BABAM2: variants seen among roughly 807,000 people sequenced by gnomAD.
BABAM2 encodes the protein BRISC and BRCA1 A complex member 2, also known as BRISC and BRCA1-A complex member 2.
In BABAM2, 31 loss-of-function variants were observed where a neutral mutation model predicts 54.7. The ratio of observed to expected loss-of-function variants is 0.57; its 90% CI spans 0.43 to 0.77. The LOEUF (loss-of-function observed/expected upper bound fraction) is 0.77, where lower values mean the gene tolerates loss of function less well. BABAM2 is among the 30% of genes least tolerant of loss of function. The probability of loss-of-function intolerance (pLI) is 0.00; values close to 1 mark genes in which losing one functional copy is unlikely to be tolerated. For missense variants in BABAM2, 364 were observed against 455.8 expected (o/e 0.80, Z 1.83); for synonymous variants, 167 against 162.9 (o/e 1.03, Z -0.19).
At chr2:28,095,565 C>T (rs985434244) in intron 6 of BABAM2, among the ~76,000 whole-genome samples, 10 of 151,990 alleles carry the variant, frequency 6.6e-5, no homozygotes, top group South Asian at 4.2e-4. Flanking sequence ...TTACACTCAA[C>T]GTAAAAAAAC....
chr2:28,300,681 T>C (rs1356825434), intron 11 of BABAM2, among the ~76,000 whole-genome samples: 2 of 152,146 alleles, frequency 1.3e-5, no homozygotes, highest in Non-Finnish European at 2.9e-5. Flanking sequence ...TTTTAGCAAG[T>C]ATGAATTGAG....
At chr2:28,271,052 AG>A (rs1431888114) in intron 10 of BABAM2, among the ~76,000 whole-genome samples, 8 of 152,190 alleles carry the variant, frequency 5.3e-5, no homozygotes, top group Non-Finnish European at 8.8e-5. Context: ...GAGAAACAAA[AG>A]GCTATAGCGT....
chr2:28,129,851 CAT>C (rs1377867903), intron 7 of BABAM2, among the ~76,000 whole-genome samples: 2 of 152,160 alleles, frequency 1.3e-5, no homozygotes, highest in East Asian at 1.9e-4. Context: ...AAAAAGATAA[CAT>C]GTTTTATTTT....
At chr2:27,997,564 T>C (rs1229605787) in intron 4 of BABAM2, among the ~76,000 whole-genome samples, 2 of 152,148 alleles carry the variant, frequency 1.3e-5, no homozygotes, top group African/African-American at 4.8e-5. Flanking sequence ...TTAAGAAGAG[T>C]ATTAATATAT....
chr2:28,282,814 A>G (rs942156984), intron 10 of BABAM2, among the ~76,000 whole-genome samples: 5 of 151,996 alleles, frequency 3.3e-5, no homozygotes, highest in Admixed American at 6.6e-5. Context: ...CCTCGCCAAC[A>G]TGGTGAAACC....
chr2:28,282,353 A>G (rs191435217), intron 10 of BABAM2, among the ~76,000 whole-genome samples: 2 of 152,296 alleles, frequency 1.3e-5, no homozygotes, highest in East Asian at 1.9e-4. Flanking sequence ...GTGTTTATCA[A>G]TCTCTCAGAC....
chr2:28,045,742 T>TC lies in BABAM2; in HGVS notation c.514dup (p.Arg172ProfsTer23). The TC allele has an allele frequency of 6.2e-7, 1 of 1,611,430 alleles. No homozygotes were observed. The highest frequency in any genetic ancestry group is 8.5e-7 in the Non-Finnish European group (1 of 1,178,232). On this transcript the variant is annotated frameshift_variant, in exon 6 of 12. Transcript: ENST00000379624. LOFTEE classifies it high-confidence loss of function. Reference sequence around the variant, plus strand: ...TTTTACAGACTGGTGAATTTTCAGCTCGTTTCCTTTTGAAGCTGCCCGTAG... The same window carrying TC: ...TTTTACAGACTGGTGAATTTTCAGCTCCGTTTCCTTTTGAAGCTGCCCGTAG...
chr2:27,903,153 T>C (rs895445147), intron 2 of BABAM2, among the ~76,000 whole-genome samples: 1 of 151,710 alleles, frequency 6.6e-6, no homozygotes, highest in Non-Finnish European at 1.5e-5. Context: ...AGGCCATCCT[T>C]GCCCATGGAT....
chr2:28,327,491 T>A (rs1465367110), intron 11 of BABAM2: 2 of 1,510,202 alleles, frequency 1.3e-6, no homozygotes, highest in Non-Finnish European at 1.8e-6. Context: ...GAACCAGAAT[T>A]CATCCCAATA....
chr2:28,041,267 A>G (rs1480665781), intron 5 of BABAM2, among the ~76,000 whole-genome samples: 2 of 152,206 alleles, frequency 1.3e-5, no homozygotes, highest in Non-Finnish European at 2.9e-5. Flanking sequence ...TTTACAGGTT[A>G]CAGGTTGACA....
At chr2:28,156,891 G>A (rs1316554978) in intron 7 of BABAM2, among the ~76,000 whole-genome samples, 1 of 152,140 alleles carries the variant, frequency 6.6e-6, no homozygotes, top group Admixed American at 6.5e-5. Context: ...ATTTTTAAAT[G>A]GAACTTAATG....
intron 6 of BABAM2, among the ~76,000 whole-genome samples, chr2:28,123,801 C>A (rs1451547646): frequency 6.6e-6 from 1 of 152,152 alleles, no homozygotes; most frequent in African/African-American, 2.4e-5. Flanking sequence ...ATAAAACGAA[C>A]TCCTGGAAAA....
At chr2:28,200,571 G>A (rs74385800) in intron 7 of BABAM2, among the ~76,000 whole-genome samples, 1,943 of 152,212 alleles carry the variant, frequency 0.013, 31 homozygotes, top group African/African-American at 0.045. Flanking sequence ...GCAATTAATC[G>A]GCTTTGTCAT....
intron 1 of BABAM2, among the ~76,000 whole-genome samples, chr2:27,893,696 A>C (rs529847353): frequency 6.6e-6 from 1 of 152,280 alleles, no homozygotes. Context: ...AGGTATTAAG[A>C]AAGGTGTATC....
intron 6 of BABAM2, among the ~76,000 whole-genome samples, chr2:28,108,667 T>C (rs1449901155): frequency 6.6e-6 from 1 of 152,240 alleles, no homozygotes; most frequent in Admixed American, 6.5e-5. Flanking sequence ...TAATATAATA[T>C]GTTCTTCCTT....
At position 27,931,662 on chromosome 2, in the gene BABAM2, T is replaced by C. The variant is rs141489226; in HGVS notation, c.205+1754T>C. On this transcript the variant is annotated intron_variant, in intron 3 of 11. Transcript: ENST00000379624. ...GACATTGTATTACACAGTTAATGAATAACCCCTAAGAATTCTTAGTAAGTA... is the reference window on the plus strand; with the variant it reads ...GACATTGTATTACACAGTTAATGAACAACCCCTAAGAATTCTTAGTAAGTA... 5.5e-3 allele frequency among the ~76,000 whole-genome samples: 831 copies of C among 152,292 alleles called. 1 individual carries two copies. Among genetic ancestry groups the C allele is most frequent in the South Asian group, 0.01 (50 of 4,830 alleles).
At chr2:28,057,379 A>G (rs943727716) in intron 6 of BABAM2, among the ~76,000 whole-genome samples, 1 of 152,186 alleles carries the variant, frequency 6.6e-6, no homozygotes. Flanking sequence ...TATTTTCTTC[A>G]GTCCGTTTAT....
intron 7 of BABAM2, among the ~76,000 whole-genome samples, chr2:28,142,842 G>GA (rs937353399): frequency 1.3e-5 from 2 of 151,572 alleles, no homozygotes; most frequent in African/African-American, 2.4e-5. Flanking sequence ...ATTATTCCTT[G>GA]AAAAAAACAG....
intron 5 of BABAM2, 124 bp from the exon 6 acceptor site, chr2:28,045,601 G>A (rs528651939): frequency 5.2e-5 from 36 of 689,772 alleles, no homozygotes; most frequent in Middle Eastern, 4.4e-4. Flanking sequence ...CTTGCCTAAC[G>A]TTAGGAAAAC....
Sources: gnomAD v4.1 joint callset for allele counts (sites outside exome capture counted in the v4.1 genomes callset) on GRCh38, gnomAD v4.1.1 for gene constraint, MANE v1.5 for transcripts, NCBI Gene and HGNC (gene_info 2026-07-23, HGNC 2026-07-21) for gene names.